The following SPRYD4 variants were observed in gnomAD, a reference collection of about 807,000 sequenced individuals.
The protein encoded by SPRYD4 is SPRY domain-containing protein 4.
SPRYD4 carries 12 observed loss-of-function variants against 16.6 expected under a neutral mutation model. The observed-to-expected ratio is 0.72, with a 90% CI of 0.46 to 1.17. The LOEUF is 1.17. Among genes scored for constraint, SPRYD4 ranks in the 50% most tolerant of loss-of-function variants. The probability of loss-of-function intolerance (pLI) is 0.00; values close to 1 mark genes in which losing one functional copy is unlikely to be tolerated. For synonymous variants in SPRYD4, 98 were observed against 105.4 expected (o/e 0.93, Z 0.43); for missense variants, 260 against 260.2 (o/e 1.00, Z 0.00).
Position 56,478,348 on chromosome 12 carries a change from T to C in SPRYD4, c.*8771T>C. ...TTGAGGGTCAAGAGAATCTTTTAGA[T>C]AAAAGCTAAAATTCTGTCTTCTATA... is the stretch of plus-strand genomic sequence containing the variant. On this transcript the variant is annotated 3_prime_UTR_variant, in exon 2 of 2. Coordinates refer to ENST00000338146, the MANE Select transcript of SPRYD4 (RefSeq NM_207344.4). 2.8e-6 allele frequency: 4 copies of C among 1,412,280 alleles called. No homozygotes were observed. The highest frequency in any genetic ancestry group is 4.0e-6 in the Non-Finnish European group (4 of 1,011,604). 87.5% of individuals were successfully genotyped at this position (1,412,280 alleles called of 1,614,324 possible). A position where few individuals can be genotyped will look rare whatever the true frequency, so the allele number is the denominator to read the frequency against.
rs1869801356 is a variant in SPRYD4, at chr12:56,476,209, C to G, written c.*6632C>G. On this transcript the variant is annotated 3_prime_UTR_variant, in exon 2 of 2. Coordinates refer to ENST00000338146, the MANE Select transcript of SPRYD4 (RefSeq NM_207344.4). ...TGCTTTGTCACCCTTGTCACCCAGG[C>G]TGGAGTGCAGTGGCACGATCATGGC... 1 of 475,856 alleles carries G rather than the reference C, an allele frequency of 2.1e-6. No individual in the cohort carries two copies. The highest frequency in any genetic ancestry group is 4.0e-5 in the East Asian group (1 of 24,936). 29.5% of individuals were successfully genotyped at this position (475,856 alleles called of 1,614,324 possible). A position where few individuals can be genotyped will look rare whatever the true frequency, so the allele number is the denominator to read the frequency against.
Position 56,478,919 on chromosome 12 carries a change from G to C in SPRYD4, c.*9342G>C, listed in dbSNP as rs562645028. The C allele has an allele frequency of 1.3e-5, 14 of 1,114,474 alleles. No individual in the cohort carries two copies. The African/African-American group carries it at 2.2e-4, about 18-fold the overall frequency. 69.0% of individuals were successfully genotyped at this position (1,114,474 alleles called of 1,614,324 possible). ...GAATCGCTTGAACCTGGGAGGTGGA[G>C]GTTGCAGTGAGCTGAGATTGCACCA... On this transcript the variant is annotated 3_prime_UTR_variant, in exon 2 of 2. Coordinates refer to ENST00000338146, the MANE Select transcript of SPRYD4 (RefSeq NM_207344.4).
chr12:56,468,822 A>G lies in SPRYD4; in HGVS notation c.85+146A>G, dbSNP rs60020215. 3,173 of 1,056,418 alleles carry G rather than the reference A, an allele frequency of 3.0e-3. 52 individuals carry two copies. In the African/African-American group the frequency reaches 0.039, roughly 13 times the overall value. 65.4% of individuals were successfully genotyped at this position (1,056,418 alleles called of 1,614,324 possible). A position where few individuals can be genotyped will look rare whatever the true frequency, so the allele number is the denominator to read the frequency against. On this transcript the variant is annotated intron_variant, in intron 1 of 1. Coordinates refer to ENST00000338146, the MANE Select transcript of SPRYD4 (RefSeq NM_207344.4). ...CTTAAGATTCCAAACCTGTGATACCATTTGGTTTCTTTAAATTCCGGGACT... is the reference window on the plus strand; with the variant it reads ...CTTAAGATTCCAAACCTGTGATACCGTTTGGTTTCTTTAAATTCCGGGACT...
Position 56,479,048 on chromosome 12 carries a change from T to G in SPRYD4, c.*9471T>G. 1 of 1,610,094 alleles carries G rather than the reference T, an allele frequency of 6.2e-7. No homozygotes were observed. Among genetic ancestry groups the G allele is most frequent in the Non-Finnish European group, 8.5e-7 (1 of 1,178,286 alleles). On this transcript the variant is annotated 3_prime_UTR_variant, in exon 2 of 2. Coordinates refer to ENST00000338146, the MANE Select transcript of SPRYD4 (RefSeq NM_207344.4). The stretch of plus-strand genomic sequence containing the variant: ...GACCCCTCCCTTAGTCCCCTGACTC[T>G]CACTTTGCCTCCAGTGAGCTCTTTG...
chr12:56,475,808 T>A lies in SPRYD4; in HGVS notation c.*6231T>A. The A allele has an allele frequency of 2.1e-6, 3 of 1,406,066 alleles. No homozygotes were observed. Among genetic ancestry groups the A allele is most frequent in the Non-Finnish European group, 3.0e-6 (3 of 995,690 alleles). 87.1% of individuals were successfully genotyped at this position (1,406,066 alleles called of 1,614,324 possible). On this transcript the variant is annotated 3_prime_UTR_variant, in exon 2 of 2. Transcript: ENST00000338146. ...GCTTTCCTCTCTGAGGCCAGCAGAT[T>A]TCCACATTTCTGGAAATAAGGCTTC...
rs979203240 is a variant in SPRYD4, at chr12:56,471,706, G to A, written c.*2129G>A. ...TGGAGAGTGGTGGTTGTATATATTT[G>A]CATGGTGGCTGGAGGGTAGGTGGAG... On this transcript the variant is annotated 3_prime_UTR_variant, in exon 2 of 2. Transcript: ENST00000338146. 2 of 1,611,458 alleles carry A rather than the reference G, an allele frequency of 1.2e-6. No individual in the cohort carries two copies. The highest frequency in any genetic ancestry group is 1.7e-5 in the Admixed American group (1 of 60,000).
chr12:56,473,771 C>A lies in SPRYD4; in HGVS notation c.*4194C>A, dbSNP rs1472200106. 4.3e-6 allele frequency: 3 copies of A among 691,666 alleles called. No homozygotes were observed. Among genetic ancestry groups the A allele is most frequent in the Non-Finnish European group, 6.7e-6 (3 of 450,902 alleles). 42.8% of individuals were successfully genotyped at this position (691,666 alleles called of 1,614,324 possible). ...TCCTGTCCTTTCCTTCCCTTAAATT[C>A]ATTGATTCAGCTAGAAAATATTTTT... On this transcript the variant is annotated 3_prime_UTR_variant, in exon 2 of 2. Coordinates refer to ENST00000338146, the MANE Select transcript of SPRYD4 (RefSeq NM_207344.4).
chr12:56,474,695 T>G lies in SPRYD4; in HGVS notation c.*5118T>G, dbSNP rs1161154199. The G allele has an allele frequency of 1.2e-6, 2 of 1,611,978 alleles. No individual in the cohort carries two copies. Among genetic ancestry groups the G allele is most frequent in the Admixed American group, 3.3e-5 (2 of 59,912 alleles). ...GGTGGCTGCCATGACACTGCCTGAT[T>G]CACAAGTGACCTCCACAGAACACAG... On this transcript the variant is annotated 3_prime_UTR_variant, in exon 2 of 2. Transcript: ENST00000338146.
intron 1 of SPRYD4, 80 bp from the exon 2 acceptor site, chr12:56,468,959 G>A (rs1367082554): frequency 1.3e-5 from 20 of 1,482,770 alleles, no homozygotes; most frequent in Non-Finnish European, 1.8e-5. Context: ...TATCATGGCT[G>A]CCTGCCTCAT....
chr12:56,476,224 AC>A lies in SPRYD4; in HGVS notation c.*6648del. On this transcript the variant is annotated 3_prime_UTR_variant, in exon 2 of 2. Transcript: ENST00000338146. ...GTCACCCAGGCTGGAGTGCAGTGGC[AC>A]GATCATGGCTCACTGCAGCTTTGAC... The A allele has an allele frequency of 2.1e-6, 1 of 473,264 alleles. No homozygotes were observed. Among genetic ancestry groups the A allele is most frequent in the Non-Finnish European group, 3.8e-6 (1 of 260,550 alleles). 29.3% of individuals were successfully genotyped at this position (473,264 alleles called of 1,614,324 possible).
chr12:56,474,937 C>G lies in SPRYD4; in HGVS notation c.*5360C>G. 6.2e-7 allele frequency: 1 copy of G among 1,613,990 alleles called. No individual in the cohort carries two copies. Among genetic ancestry groups the G allele is most frequent in the Non-Finnish European group, 8.5e-7 (1 of 1,179,960 alleles). On this transcript the variant is annotated 3_prime_UTR_variant, in exon 2 of 2. Transcript: ENST00000338146. ...GGGAGAGCATTTCTCTTCAGGACAT[C>G]AGCCCTTTCACACTGTCAGGGTCTC...
chr12:56,469,139 C>G lies in SPRYD4; in HGVS notation c.186C>G (p.Thr62=), dbSNP rs1452136790. 1 of 1,614,028 alleles carries G rather than the reference C, an allele frequency of 6.2e-7. No individual in the cohort carries two copies. Among genetic ancestry groups the G allele is most frequent in the East Asian group, 2.2e-5 (1 of 44,890 alleles). ...VKYGLVGLEP[T]KVALNVERFR... ...ATGGCTTGGTGGGATTGGAGCCCAC[C>G]AAGGTGGCCTTGAATGTGGAGCGCT... Residue 62 remains threonine (T), a synonymous_variant, in exon 2 of 2, where the codon ACC becomes ACG. Coordinates refer to ENST00000338146, the MANE Select transcript of SPRYD4 (RefSeq NM_207344.4).
Position 56,469,707 on chromosome 12 carries a change from C to A in SPRYD4, c.*130C>A. ...CAGTGTTGGGTCCTCTGTGCAATAT[C>A]ATGATCATCTTCCTCATCCCCTACC... On this transcript the variant is annotated 3_prime_UTR_variant, in exon 2 of 2. Transcript: ENST00000338146. 1 of 883,870 alleles carries A rather than the reference C, an allele frequency of 1.1e-6. No individual in the cohort carries two copies. The highest frequency in any genetic ancestry group is 1.7e-6 in the Non-Finnish European group (1 of 595,230). The allele number at this position is 883,870 out of a possible 1,614,324, so 54.8% of individuals were successfully genotyped here. A position where few individuals can be genotyped will look rare whatever the true frequency, so the allele number is the denominator to read the frequency against.
chr12:56,471,938 G>C lies in SPRYD4; in HGVS notation c.*2361G>C. 1 of 1,356,204 alleles carries C rather than the reference G, an allele frequency of 7.4e-7. No homozygotes were observed. Among genetic ancestry groups the C allele is most frequent in the South Asian group, 1.2e-5 (1 of 84,422 alleles). 84.0% of individuals were successfully genotyped at this position (1,356,204 alleles called of 1,614,324 possible). ...CTTTACCAAGAGGGGAGGGGAAAAG[G>C]CCTCTTCCCATTTTGTACCCTGCAG... is the stretch of plus-strand genomic sequence containing the variant. On this transcript the variant is annotated 3_prime_UTR_variant, in exon 2 of 2. Transcript: ENST00000338146.
At chr12:56,468,820 C>A in intron 1 of SPRYD4, 144 bp downstream of exon 1, 1 of 1,057,646 alleles carries the variant, frequency 9.5e-7, no homozygotes, top group South Asian at 1.6e-5. Context: ...ACCTGTGATA[C>A]CATTTGGTTT....
rs1278617529 is a variant in SPRYD4, at chr12:56,472,946, GGC to G, written c.*3375_*3376del. ...TCTGTCGTTCAGGCTGAAGTGTAGTGGCGCGCGGTCTTGGCTCACTGCAACCT... is the reference window on the plus strand; with the variant it reads ...TCTGTCGTTCAGGCTGAAGTGTAGTGGCGCGGTCTTGGCTCACTGCAACCT... On this transcript the variant is annotated 3_prime_UTR_variant, in exon 2 of 2. Coordinates refer to ENST00000338146, the MANE Select transcript of SPRYD4 (RefSeq NM_207344.4). 4 of 573,504 alleles carry G rather than the reference GGC, an allele frequency of 7.0e-6. No individual in the cohort carries two copies. Among genetic ancestry groups the G allele is most frequent in the South Asian group, 4.2e-5 (2 of 47,688 alleles). The allele number at this position is 573,504 out of a possible 1,614,324, so 35.5% of individuals were successfully genotyped here.
chr12:56,473,266 G>T lies in SPRYD4; in HGVS notation c.*3689G>T, dbSNP rs752271151. On this transcript the variant is annotated 3_prime_UTR_variant, in exon 2 of 2. Transcript: ENST00000338146. Reference sequence around the variant, plus strand: ...CCTTCACGCCGTGGGTCTAACTTCCGAGCACAGTGCCTCAGGTTGTCATAG... The same window carrying T: ...CCTTCACGCCGTGGGTCTAACTTCCTAGCACAGTGCCTCAGGTTGTCATAG... The T allele has an allele frequency of 1.2e-6, 2 of 1,614,054 alleles. No homozygotes were observed. The highest frequency in any genetic ancestry group is 1.7e-5 in the Admixed American group (1 of 59,998).
Position 56,469,557 on chromosome 12 carries a change from G to T in SPRYD4, c.604G>T (p.Glu202Ter). 6.2e-7 allele frequency: 1 copy of T among 1,613,640 alleles called. No individual in the cohort carries two copies. The highest frequency in any genetic ancestry group is 8.5e-7 in the Non-Finnish European group (1 of 1,179,802). ...GGAGCTGCTGACCCATTCAGGGCTTGAGGTGCCCGAGGGCCTCTAGTATGT... is the reference window on the plus strand; with the variant it reads ...GGAGCTGCTGACCCATTCAGGGCTTTAGGTGCCCGAGGGCCTCTAGTATGT... ...DGELLTHSGLEVPEGL is the reference protein window; with the variant it reads ...DGELLTHSGL The change falls in exon 2 of 2, where the codon GAG becomes TAG. Residue 202 changes from glutamate to a stop codon, truncating the protein, a stop_gained. Transcript: ENST00000338146. LOFTEE classifies it high-confidence loss of function.
Position 56,478,578 on chromosome 12 carries a change from C to T in SPRYD4, c.*9001C>T. ...AATCCCTTTGAAGGCTCTATTCGAT[C>T]TTGATTCCCTCACCTGCTCTAGGAA... is the stretch of plus-strand genomic sequence containing the variant. On this transcript the variant is annotated 3_prime_UTR_variant, in exon 2 of 2. Transcript: ENST00000338146. 1 of 337,864 alleles carries T rather than the reference C, an allele frequency of 3.0e-6. No individual in the cohort carries two copies. Among genetic ancestry groups the T allele is most frequent in the East Asian group, 6.4e-5 (1 of 15,632 alleles). The allele number at this position is 337,864 out of a possible 1,614,324, so 20.9% of individuals were successfully genotyped here. A position where few individuals can be genotyped will look rare whatever the true frequency, so the allele number is the denominator to read the frequency against.
Sources: allele counts gnomAD v4.1 joint callset, GRCh38; gene constraint gnomAD v4.1.1; transcripts MANE v1.5; gene names NCBI Gene and HGNC (gene_info 2026-07-23, HGNC 2026-07-21).